Variants in KLHL20 observed in about 807,000 individuals in gnomAD.
The protein encoded by KLHL20 is kelch like family member 20, also known as kelch-like protein 20.
A neutral mutation model predicts 69.5 loss-of-function variants in KLHL20; 29 were observed. The ratio of observed to expected loss-of-function variants is 0.42; its 90% CI spans 0.31 to 0.57. The LOEUF (loss-of-function observed/expected upper bound fraction) is 0.57, where lower values mean the gene tolerates loss of function less well. Among genes scored for constraint, KLHL20 ranks in the 20% least tolerant of loss-of-function variants. KLHL20 has a pLI of 0.18. For synonymous variants in KLHL20, 253 were observed against 265.2 expected, an observed-to-expected ratio of 0.95 and a Z score of 0.45; for missense variants, 419 against 776.0, an observed-to-expected ratio of 0.54 and a Z score of 5.47.
At chr1:173,726,891 G>A (rs1176688577) in intron 2 of KLHL20, among the ~76,000 whole-genome samples, 1 of 152,194 alleles carries the variant, frequency 6.6e-6, no homozygotes, top group Admixed American at 6.5e-5. Flanking sequence ...GAACAAAGCT[G>A]GACGGAGAAT....
intron 7 of KLHL20, among the ~76,000 whole-genome samples, chr1:173,764,444 A>G (rs972595568): frequency 1.3e-5 from 2 of 152,250 alleles, no homozygotes; most frequent in East Asian, 1.9e-4. Context: ...TAGCAGCACA[A>G]TTCACAATTG....
At chr1:173,748,679 C>T (rs1367494495) in intron 3 of KLHL20, among the ~76,000 whole-genome samples, 1 of 152,000 alleles carries the variant, frequency 6.6e-6, no homozygotes, top group African/African-American at 2.4e-5. Flanking sequence ...AGCACACCAA[C>T]ATGGCATGTG....
At chr1:173,769,136 T>G (rs904714370) in intron 8 of KLHL20, among the ~76,000 whole-genome samples, 1 of 152,178 alleles carries the variant, frequency 6.6e-6, no homozygotes, top group African/African-American at 2.4e-5. Flanking sequence ...AATTCTTTGT[T>G]GTGGGGGACT....
intron 3 of KLHL20, among the ~76,000 whole-genome samples, chr1:173,750,439 A>G (rs533836618): frequency 1.1e-4 from 16 of 151,766 alleles, no homozygotes; most frequent in Non-Finnish European, 1.3e-4. Context: ...CCACTGGAGT[A>G]GAAGGGACTA....
intron 2 of KLHL20, among the ~76,000 whole-genome samples, chr1:173,729,715 A>G (rs199676825): frequency 1.3e-5 from 2 of 152,296 alleles, no homozygotes; most frequent in South Asian, 2.1e-4. Flanking sequence ...TATTGATGGG[A>G]CGTATCTCAA....
chr1:173,733,012 C>A (rs1405925574), intron 2 of KLHL20, among the ~76,000 whole-genome samples: 5 of 148,626 alleles, frequency 3.4e-5, no homozygotes, highest in Non-Finnish European at 7.4e-5. Context: ...AGATAAACTT[C>A]AATCCAGACT....
chr1:173,753,188 A>T, intron 4 of KLHL20, 25 bp from the exon 5 acceptor site: 1 of 1,578,926 alleles, frequency 6.3e-7, no homozygotes, highest in South Asian at 1.1e-5. Context: ...AATTAATTAA[A>T]ATAATGGTGT....
chr1:173,755,832 C>A, intron 5 of KLHL20, 91 bp from the exon 6 acceptor site: 1 of 779,604 alleles, frequency 1.3e-6, no homozygotes, highest in Non-Finnish European at 2.1e-6. Context: ...GCTTGCTTCC[C>A]TTTGCCAACC....
intron 7 of KLHL20, among the ~76,000 whole-genome samples, chr1:173,760,677 C>T (rs116216705): frequency 0.01 from 1,547 of 152,196 alleles, 25 homozygotes; most frequent in African/African-American, 0.034. Flanking sequence ...TGAGATAATT[C>T]GCCATTACCA....
intron 8 of KLHL20, among the ~76,000 whole-genome samples, 182 bp downstream of exon 8, chr1:173,766,471 A>T (rs75079150): frequency 1.2e-3 from 169 of 138,840 alleles, no homozygotes; most frequent in African/African-American, 4.4e-3. Flanking sequence ...ATGGTGAGAT[A>T]AAAAATACAA....
At chr1:173,726,221 G>A (rs1029274859) in intron 2 of KLHL20, among the ~76,000 whole-genome samples, 2 of 152,052 alleles carry the variant, frequency 1.3e-5, no homozygotes, top group Non-Finnish European at 2.9e-5. Context: ...CATTGTCCAG[G>A]CTTGAGTAGG....
chr1:173,738,940 T>G (rs941033503), intron 3 of KLHL20, among the ~76,000 whole-genome samples: 1 of 152,212 alleles, frequency 6.6e-6, no homozygotes, highest in Non-Finnish European at 1.5e-5. Context: ...TCAGGGATAC[T>G]GGTCTGTAGT....
chr1:173,758,261 ACT>A (rs1298909333), intron 7 of KLHL20, among the ~76,000 whole-genome samples: 2 of 151,116 alleles, frequency 1.3e-5, no homozygotes, highest in African/African-American at 4.9e-5. Context: ...ACAGAGCAAG[ACT>A]CTCTCAAAAA....
At chr1:173,721,992 T>A (rs1459663676) in intron 2 of KLHL20, among the ~76,000 whole-genome samples, 1 of 152,190 alleles carries the variant, frequency 6.6e-6, no homozygotes, top group African/African-American at 2.4e-5. Context: ...TATTAGTCCA[T>A]TTTGCATTGC....
At chr1:173,722,228 G>T (rs1671746535) in intron 2 of KLHL20, among the ~76,000 whole-genome samples, 1 of 152,112 alleles carries the variant, frequency 6.6e-6, no homozygotes, top group Non-Finnish European at 1.5e-5. Context: ...TGGGATTACA[G>T]CTGTGAGCCA....
At chr1:173,753,646 G>A (rs1380949046) in intron 5 of KLHL20, among the ~76,000 whole-genome samples, 1 of 151,970 alleles carries the variant, frequency 6.6e-6, no homozygotes, top group East Asian at 1.9e-4. Flanking sequence ...AAATAATGCT[G>A]TTGACTCTGT....
chr1:173,765,497 C>T (rs981523059), intron 7 of KLHL20, among the ~76,000 whole-genome samples: 8 of 149,514 alleles, frequency 5.4e-5, no homozygotes, highest in South Asian at 4.2e-4. Context: ...AGCGAGACTC[C>T]GTCTCAAAAA....
intron 3 of KLHL20, chr1:173,741,540 G>C: frequency 2.5e-6 from 1 of 408,062 alleles, no homozygotes; most frequent in Non-Finnish European, 4.3e-6. Context: ...TGATAGATTT[G>C]ACTACATACA....
intron 9 of KLHL20, 55 bp downstream of exon 9, chr1:173,774,493 G>A (rs1052894756): frequency 3.1e-6 from 5 of 1,598,114 alleles, no homozygotes; most frequent in Admixed American, 1.7e-5. Context: ...TTTTCCTGGA[G>A]AGTCCTCCTA....
Sources: gnomAD v4.1 joint callset for allele counts (sites outside exome capture counted in the v4.1 genomes callset) on GRCh38, gnomAD v4.1.1 for gene constraint, MANE v1.5 for transcripts, NCBI Gene and HGNC (gene_info 2026-07-23, HGNC 2026-07-21) for gene names.